The following NASP variants were observed in gnomAD, a reference collection of about 807,000 sequenced individuals.
NASP encodes the protein NASP histone chaperone.
Under a neutral mutation model 89.5 loss-of-function variants are expected in NASP, and 24 were observed. The ratio of observed to expected loss-of-function variants is 0.27; its 90% CI spans 0.19 to 0.38. The LOEUF is 0.38. Among genes scored for constraint, NASP ranks in the 10% least tolerant of loss-of-function variants. NASP has a pLI of 1.00. For synonymous variants in NASP, 306 were observed against 324.7 expected, an observed-to-expected ratio of 0.94 and a Z score of 0.62; for missense variants, 848 against 921.4, an observed-to-expected ratio of 0.92 and a Z score of 1.03.
intron 1 of NASP, among the ~76,000 whole-genome samples, chr1:45,588,262 C>T (rs1327395699): frequency 2.6e-5 from 4 of 152,004 alleles, no homozygotes; most frequent in Non-Finnish European, 5.9e-5. Context: ...CGCCACCACA[C>T]CTGGCTAATT....
Position 45,584,092 on chromosome 1 carries a change from C to T in NASP, c.-55C>T, listed in dbSNP as rs1644489329. ...AGTGAGTCTCTGGCGTCCCAAATTGCCTGTTTTTCTCGCAGGCTCTATTCC... is the reference window on the plus strand; with the variant it reads ...AGTGAGTCTCTGGCGTCCCAAATTGTCTGTTTTTCTCGCAGGCTCTATTCC... On this transcript the variant is annotated 5_prime_UTR_variant, in exon 1 of 15. Transcript: ENST00000350030. The T allele has an allele frequency of 2.7e-6, 4 of 1,503,116 alleles. No homozygotes were observed. The highest frequency in any genetic ancestry group is 1.8e-4 in the Middle Eastern group (1 of 5,606). The allele number at this position is 1,503,116 out of a possible 1,614,324, so 93.1% of individuals were successfully genotyped here. A position where few individuals can be genotyped will look rare whatever the true frequency, so the allele number is the denominator to read the frequency against.
At chr1:45,598,072 G>T (rs1267647769) in intron 2 of NASP, among the ~76,000 whole-genome samples, 1 of 151,818 alleles carries the variant, frequency 6.6e-6, no homozygotes, top group African/African-American at 2.4e-5. Context: ...TCTTGTTTAT[G>T]GTCTTTAGTA....
At chr1:45,596,763 G>A (rs919546689) in intron 2 of NASP, among the ~76,000 whole-genome samples, 6 of 151,428 alleles carry the variant, frequency 4.0e-5, no homozygotes, top group Admixed American at 6.6e-5. Context: ...AGGCTGAGGC[G>A]AGAGAATCAG....
At position 45,591,285 on chromosome 1, in the gene NASP, A is replaced by C; in HGVS notation, c.107+15A>C. 6.8e-7 allele frequency: 1 copy of C among 1,478,182 alleles called. No homozygotes were observed. Among genetic ancestry groups the C allele is most frequent in the Non-Finnish European group, 9.2e-7 (1 of 1,089,140 alleles). The allele number at this position is 1,478,182 out of a possible 1,614,324, so 91.6% of individuals were successfully genotyped here. A position where few individuals can be genotyped will look rare whatever the true frequency, so the allele number is the denominator to read the frequency against. ...AAAGTGGAGAGGTAAGATTATTTAC[A>C]TGGTAGTTAGATTCGTATCAGAAAC... On this transcript the variant is annotated intron_variant, in intron 2 of 14. Transcript: ENST00000350030.
At chr1:45,613,950 C>T (rs1644060116) in intron 7 of NASP, 146 bp from the exon 8 acceptor site, 8 of 623,668 alleles carry the variant, frequency 1.3e-5, no homozygotes, top group South Asian at 1.2e-4. Context: ...TGACTTAAGA[C>T]AGTATGTGGA....
At position 45,604,643 on chromosome 1, in the gene NASP, A is replaced by G. The variant is rs190661085; in HGVS notation, c.219-293A>G. Reference sequence around the variant, plus strand: ...ACTATTCTGATCCATACTGACATCCATCTTTTAGCAGGAGGAATACCTATT... The same window carrying G: ...ACTATTCTGATCCATACTGACATCCGTCTTTTAGCAGGAGGAATACCTATT... On this transcript the variant is annotated intron_variant, in intron 3 of 14. Transcript: ENST00000350030. Among the ~76,000 whole-genome samples the G allele has an allele frequency of 5.1e-4, 77 of 152,336 alleles. No individual in the cohort carries two copies. The Middle Eastern group carries it at 0.01, about 20-fold the overall frequency.
chr1:45,608,455 G>T, intron 6 of NASP, 118 bp downstream of exon 6: 1 of 1,061,006 alleles, frequency 9.4e-7, no homozygotes. Context: ...GATTAGGAAA[G>T]GGCTAAATGA....
Position 45,618,169 on chromosome 1 carries a change from A to G in NASP, c.*28A>G. The stretch of plus-strand genomic sequence containing the variant: ...GGGGGCACAGCCCTCCTCCCAAGGG[A>G]AAGTGTTTTTGTATATAATGTATTT... On this transcript the variant is annotated 3_prime_UTR_variant, in exon 15 of 15. Transcript: ENST00000350030. 1.3e-6 allele frequency: 2 copies of G among 1,539,104 alleles called. No homozygotes were observed. The highest frequency in any genetic ancestry group is 1.9e-5 in the Admixed American group (1 of 51,562).
intron 9 of NASP, among the ~76,000 whole-genome samples, chr1:45,614,689 C>T (rs1644072410): frequency 6.6e-6 from 1 of 152,176 alleles, no homozygotes; most frequent in Admixed American, 6.5e-5. Flanking sequence ...CAGGCACCCA[C>T]CACCACGCCC....
In NASP at chr1:45,591,249, C is replaced by T. The variant is rs769308562; in HGVS notation, c.86C>T (p.Thr29Ile). 5 of 1,547,422 alleles carry T rather than the reference C, an allele frequency of 3.2e-6. No individual in the cohort carries two copies. In the African/African-American group the frequency reaches 7.0e-5, roughly 22 times the overall value. The stretch of plus-strand genomic sequence containing the variant: ...ATTGAAGATGTTCCTGCTCCTTCTA[C>T]ATCTGCAGATAAAGTGGAGAGGTAA... ...DKIEDVPAPS[T>I]SADKVESLDV... Residue 29 changes from threonine to isoleucine, a missense_variant, in exon 2 of 15, where the codon ACA becomes ATA. Around this residue, in one of 5 missense-constraint regions of NASP, gnomAD observed 89 missense variants for 79.2 expected, o/e 1.12. Coordinates refer to ENST00000350030, the MANE Select transcript of NASP (RefSeq NM_002482.4).
chr1:45,601,027 TG>T (rs1411098781), intron 2 of NASP, among the ~76,000 whole-genome samples: 1 of 152,216 alleles, frequency 6.6e-6, no homozygotes, highest in African/African-American at 2.4e-5. Context: ...TTTATTGGAT[TG>T]TTTTTTATTA....
At chr1:45,616,557 AAAT>A (rs1644108285) in intron 12 of NASP, 66 bp from the exon 13 acceptor site, 7 of 1,561,466 alleles carry the variant, frequency 4.5e-6, no homozygotes, top group Non-Finnish European at 5.3e-6. Flanking sequence ...AAAAACTAAA[AAAT>A]TATAAAAGCC....
rs1233815561 is a variant in NASP at position 45,607,346 on chromosome 1, A to G, written c.435A>G (p.Glu145=). Residue 145 remains glutamate (E), a synonymous_variant, in exon 6 of 15, where the codon GAA becomes GAG. Coordinates refer to ENST00000350030, the MANE Select transcript of NASP (RefSeq NM_002482.4). ...IDEEAREELR[E]QVYDAMGEKE... is the part of the protein sequence containing the mutation. ...AGGAAGCAAGGGAAGAGTTGAGAGA[A>G]CAGGTTTATGACGCCATGGGAGAAA... 2 of 1,613,982 alleles carry G rather than the reference A, an allele frequency of 1.2e-6. No homozygotes were observed. The highest frequency in any genetic ancestry group is 2.7e-5 in the African/African-American group (2 of 74,926).
chr1:45,614,309 G>A lies in NASP; in HGVS notation c.1609G>A (p.Ala537Thr). ...TTCTTTTAGGCAAGAAACAAAAGAA[G>A]CACAGCTTTATGCTGCCCAGGCACA... is the stretch of plus-strand genomic sequence containing the variant. ...IIFKRQETKE[A>T]QLYAAQAHLK... Residue 537 changes from alanine to threonine, a missense_variant, in exon 9 of 15, where the codon GCA becomes ACA. Around this residue, in one of 5 missense-constraint regions of NASP, gnomAD observed 60 missense variants for 114.6 expected, o/e 0.52. Transcript: ENST00000350030. The A allele has an allele frequency of 6.2e-7, 1 of 1,613,850 alleles. No homozygotes were observed. Among genetic ancestry groups the A allele is most frequent in the Non-Finnish European group, 8.5e-7 (1 of 1,179,838 alleles).
At position 45,614,100 on chromosome 1, in the gene NASP, T is replaced by A; in HGVS notation, c.1511T>A (p.Leu504His). ...PNDSVLENKS[L>H]QENEEEEIGN... The stretch of plus-strand genomic sequence containing the variant: ...TATTATTTGGTTATACTTTAGTCTC[T>A]TCAAGAAAATGAGGAGGAGGAGATT... The change falls in exon 8 of 15, where the codon CTT (leucine) becomes CAT (histidine). Residue 504 changes from leucine (L) to histidine (H), a missense_variant. Leu to His is a moderately conservative substitution (Grantham distance 99). Around this residue, in one of 5 missense-constraint regions of NASP, gnomAD observed 464 missense variants for 469.4 expected, o/e 0.99. Transcript: ENST00000350030. The A allele has an allele frequency of 1.3e-6, 2 of 1,592,380 alleles. No individual in the cohort carries two copies. The highest frequency in any genetic ancestry group is 1.1e-5 in the South Asian group (1 of 90,640).
intron 11 of NASP, among the ~76,000 whole-genome samples, chr1:45,616,004 A>G (rs1644099381): frequency 6.6e-6 from 1 of 152,194 alleles, no homozygotes; most frequent in Non-Finnish European, 1.5e-5. Context: ...GTAAGTTGCT[A>G]TTTCCATCTC....
intron 1 of NASP, among the ~76,000 whole-genome samples, chr1:45,586,518 G>A (rs532517550): frequency 6.6e-6 from 1 of 152,216 alleles, no homozygotes; most frequent in East Asian, 1.9e-4. Context: ...CCAACGCCTA[G>A]GCTCAAGGGA....
chr1:45,601,681 C>G (rs996994614), intron 2 of NASP, among the ~76,000 whole-genome samples: 4 of 140,590 alleles, frequency 2.8e-5, no homozygotes, highest in African/African-American at 1.0e-4. Flanking sequence ...ATTTGTGGAT[C>G]AATTAGGAAA....
intron 2 of NASP, chr1:45,594,875 T>C (rs2148337857): frequency 3.3e-6 from 1 of 301,820 alleles, no homozygotes; most frequent in Non-Finnish European, 7.1e-6. Flanking sequence ...ACATTATTAG[T>C]CTCACCTTAA....
Sources: allele counts gnomAD v4.1 joint callset (sites outside exome capture counted in the v4.1 genomes callset), GRCh38; gene constraint gnomAD v4.1.1; regional missense constraint gnomAD v4.1.1; transcripts MANE v1.5; gene names NCBI Gene and HGNC (gene_info 2026-07-23, HGNC 2026-07-21).